Variants in FBXW11 observed in about 807,000 individuals in gnomAD.
FBXW11 encodes F-box and WD repeat domain containing 11, also known as F-box/WD repeat-containing protein 11.
In FBXW11, 19 loss-of-function variants were observed where a neutral mutation model predicts 77.6. The observed-to-expected ratio is 0.24, with a 90% CI of 0.17 to 0.36. The LOEUF is 0.36. Ranked by LOEUF, FBXW11 falls within the 10% of genes least tolerant of loss-of-function variation. The probability of loss-of-function intolerance (pLI) is 1.00; values close to 1 mark genes in which losing one functional copy is unlikely to be tolerated. For missense variants in FBXW11, 334 were observed against 704.2 expected (o/e 0.47, Z 5.95); for synonymous variants, 235 against 249.4 (o/e 0.94, Z 0.54).
chr5:172,005,871 C>A (rs536782291), intron 1 of FBXW11, among the ~76,000 whole-genome samples: 38 of 152,236 alleles, frequency 2.5e-4, no homozygotes, highest in Non-Finnish European at 1.5e-5. Context: ...CACAAGGGCC[C>A]GGGAAAGAGG....
At chr5:171,924,233 T>A (rs557506134) in intron 2 of FBXW11, among the ~76,000 whole-genome samples, 24 of 152,156 alleles carry the variant, frequency 1.6e-4, no homozygotes, top group African/African-American at 5.5e-4. Context: ...AAACCCCACC[T>A]TCAAGCTAAA....
intron 1 of FBXW11, chr5:172,003,322 G>A (rs1766528981): frequency 6.6e-6 from 1 of 152,122 alleles, no homozygotes; most frequent in Non-Finnish European, 1.5e-5. Context: ...TGAAAATCAA[G>A]TCATATTCCT....
intron 1 of FBXW11, among the ~76,000 whole-genome samples, chr5:171,962,796 C>A (rs559853416): frequency 6.6e-6 from 1 of 152,174 alleles, no homozygotes; most frequent in African/African-American, 2.4e-5. Context: ...AAGCTAACTT[C>A]GGTCTGTTTT....
At chr5:171,962,592 G>C (rs1046900692) in intron 1 of FBXW11, among the ~76,000 whole-genome samples, 5 of 152,140 alleles carry the variant, frequency 3.3e-5, no homozygotes, top group Admixed American at 1.3e-4. Context: ...CCATTATGCT[G>C]AGAAACACCA....
At chr5:171,888,307 A>G (rs1759054467) in intron 7 of FBXW11, among the ~76,000 whole-genome samples, 1 of 152,224 alleles carries the variant, frequency 6.6e-6, no homozygotes, top group Non-Finnish European at 1.5e-5. Flanking sequence ...ACAACACATG[A>G]CTTGGGCTTA....
intron 1 of FBXW11, among the ~76,000 whole-genome samples, chr5:171,992,335 G>A (rs1242092157): frequency 6.6e-6 from 1 of 151,986 alleles, no homozygotes; most frequent in African/African-American, 2.4e-5. Flanking sequence ...GCTGAGGTGG[G>A]AGAATCGCTT....
chr5:171,973,716 T>C (rs1764659103), intron 1 of FBXW11, among the ~76,000 whole-genome samples: 1 of 152,212 alleles, frequency 6.6e-6, no homozygotes, highest in Admixed American at 6.5e-5. Context: ...TAACAATGTA[T>C]CACACTAACA....
chr5:171,915,146 A>C (rs558161260), intron 2 of FBXW11, among the ~76,000 whole-genome samples: 114 of 152,338 alleles, frequency 7.5e-4, no homozygotes, highest in African/African-American at 2.7e-3. Context: ...ATGGAAACTT[A>C]ATGAGAAGGG....
At chr5:171,923,843 C>T (rs1361551948) in intron 2 of FBXW11, among the ~76,000 whole-genome samples, 1 of 148,306 alleles carries the variant, frequency 6.7e-6, no homozygotes, top group South Asian at 2.1e-4. Context: ...CACATACACA[C>T]GTGATAGCAG....
At chr5:171,939,463 A>G (rs1451660530) in intron 2 of FBXW11, among the ~76,000 whole-genome samples, 4 of 152,002 alleles carry the variant, frequency 2.6e-5, no homozygotes, top group African/African-American at 9.7e-5. Context: ...TTGGGAAGCC[A>G]AGGCAGGCAG....
chr5:171,943,719 G>A (rs757436131), intron 2 of FBXW11, among the ~76,000 whole-genome samples: 2 of 152,172 alleles, frequency 1.3e-5, no homozygotes, highest in African/African-American at 4.8e-5. Flanking sequence ...AAAGTGCTGC[G>A]ATAACAGGCG....
chr5:171,893,422 A>C (rs1030977124), intron 6 of FBXW11, among the ~76,000 whole-genome samples: 6 of 53,992 alleles, frequency 1.1e-4, no homozygotes, highest in African/African-American at 4.7e-4. Context: ...CTTCAAAACC[A>C]AAAAAAAAAA....
At chr5:171,892,773 C>T (rs928326217) in intron 6 of FBXW11, among the ~76,000 whole-genome samples, 2 of 152,156 alleles carry the variant, frequency 1.3e-5, no homozygotes, top group Non-Finnish European at 2.9e-5. Context: ...AATTCTTGAT[C>T]CTTGAAATTA....
chr5:171,892,408 C>G (rs1451103954), intron 6 of FBXW11, among the ~76,000 whole-genome samples: 2 of 152,224 alleles, frequency 1.3e-5, no homozygotes, highest in Non-Finnish European at 2.9e-5. Context: ...GCCACAAAAT[C>G]AGTAATCGGA....
At chr5:171,921,580 C>T (rs1761599890) in intron 2 of FBXW11, among the ~76,000 whole-genome samples, 1 of 152,034 alleles carries the variant, frequency 6.6e-6, no homozygotes, top group Admixed American at 6.6e-5. Context: ...TTGAGAAGAT[C>T]CCCTACACAC....
At chr5:171,921,695 A>G (rs1761605140) in intron 2 of FBXW11, among the ~76,000 whole-genome samples, 1 of 152,236 alleles carries the variant, frequency 6.6e-6, no homozygotes, top group Non-Finnish European at 1.5e-5. Context: ...TATTGCAAGG[A>G]GAGCAATATT....
At chr5:171,881,472 C>G (rs1758504017) in intron 7 of FBXW11, among the ~76,000 whole-genome samples, 1 of 152,152 alleles carries the variant, frequency 6.6e-6, no homozygotes, top group African/African-American at 2.4e-5. Context: ...ACGTGATTTT[C>G]TTCTTTGGCT....
At chr5:171,971,667 A>G (rs1581051373) in intron 1 of FBXW11, among the ~76,000 whole-genome samples, 1 of 152,218 alleles carries the variant, frequency 6.6e-6, no homozygotes, top group African/African-American at 2.4e-5. Flanking sequence ...GAACTGAGAA[A>G]AAGGGAAAAG....
intron 2 of FBXW11, among the ~76,000 whole-genome samples, chr5:171,937,062 A>G (rs2113135043): frequency 6.6e-6 from 1 of 152,366 alleles, no homozygotes; most frequent in East Asian, 1.9e-4. Flanking sequence ...ATTCTTTGAC[A>G]GGTTTCTCTA....
Sources: gnomAD v4.1 joint callset for allele counts (sites outside exome capture counted in the v4.1 genomes callset) on GRCh38, gnomAD v4.1.1 for gene constraint, MANE v1.5 for transcripts, NCBI Gene and HGNC (gene_info 2026-07-23, HGNC 2026-07-21) for gene names.